The following CNTLN variants were observed in gnomAD, a reference collection of about 807,000 sequenced individuals.
CNTLN encodes centlein, centrosomal protein.
Under a neutral mutation model 180.0 loss-of-function variants are expected in CNTLN, and 212 were observed. The observed-to-expected ratio is 1.18, with a 90% CI of 1.05 to 1.32. The LOEUF (loss-of-function observed/expected upper bound fraction) is 1.32, where lower values mean the gene tolerates loss of function less well. Among genes scored for constraint, CNTLN ranks in the 40% most tolerant of loss-of-function variants. The pLI, the probability that CNTLN is intolerant of heterozygous loss-of-function variation, is 0.00. For synonymous variants in CNTLN, 722 were observed against 563.1 expected (o/e 1.28, Z -3.99); for missense variants, 2,095 against 1,610.9 (o/e 1.30, Z -5.14).
intron 2 of CNTLN, among the ~76,000 whole-genome samples, chr9:17,177,543 C>T (rs539637272): frequency 3.0e-4 from 46 of 152,162 alleles, no homozygotes; most frequent in Non-Finnish European, 4.4e-4. Flanking sequence ...GGCGGTGTGT[C>T]CGAAGTTTGT....
At chr9:17,404,326 T>C (rs1587902244) in intron 15 of CNTLN, among the ~76,000 whole-genome samples, 1 of 151,750 alleles carries the variant, frequency 6.6e-6, no homozygotes, top group African/African-American at 2.4e-5. Flanking sequence ...GCGTGGCCGC[T>C]GTAATTATTT....
chr9:17,432,906 A>G (rs954046538), intron 18 of CNTLN, among the ~76,000 whole-genome samples: 18 of 151,502 alleles, frequency 1.2e-4, no homozygotes, highest in African/African-American at 3.9e-4. Flanking sequence ...CTGTAATCCT[A>G]GCTACTCAGG....
At chr9:17,179,354 C>T (rs539809046) in intron 2 of CNTLN, among the ~76,000 whole-genome samples, 2 of 151,486 alleles carry the variant, frequency 1.3e-5, no homozygotes, top group East Asian at 1.9e-4. Context: ...GCTTTAACTT[C>T]ATCCCCCATA....
At chr9:17,334,714 C>T (rs1820883611) in intron 10 of CNTLN, among the ~76,000 whole-genome samples, 1 of 151,812 alleles carries the variant, frequency 6.6e-6, no homozygotes, top group Non-Finnish European at 1.5e-5. Flanking sequence ...GGGGGCTAAA[C>T]CTGAGTACAC....
chr9:17,385,950 A>G (rs1175085112), intron 13 of CNTLN, among the ~76,000 whole-genome samples: 1 of 152,162 alleles, frequency 6.6e-6, no homozygotes, highest in Non-Finnish European at 1.5e-5. Context: ...AAACCTACCC[A>G]CTATGATTCT....
Position 17,337,918 on chromosome 9 carries a change from C to G in CNTLN, c.1645-2909C>G, listed in dbSNP as rs147803386. 1.8e-3 allele frequency among the ~76,000 whole-genome samples: 275 copies of G among 152,036 alleles called. 1 individual carries two copies. Among genetic ancestry groups the G allele is most frequent in the East Asian group, 0.016 (81 of 5,170 alleles). ...TCTAACAAAAAACTTTAGTCATTCCCCAAACAGTTTATATATAATAATTTT... is the reference window on the plus strand; with the variant it reads ...TCTAACAAAAAACTTTAGTCATTCCGCAAACAGTTTATATATAATAATTTT... On this transcript the variant is annotated intron_variant, in intron 10 of 25. Transcript: ENST00000380647.
At chr9:17,445,123 T>C (rs1301397179) in intron 18 of CNTLN, among the ~76,000 whole-genome samples, 1 of 152,118 alleles carries the variant, frequency 6.6e-6, no homozygotes. Context: ...TTTCACTATC[T>C]TGAACCTTAT....
chr9:17,388,778 A>G (rs1409215440), intron 14 of CNTLN, among the ~76,000 whole-genome samples: 4 of 151,858 alleles, frequency 2.6e-5, no homozygotes, highest in Non-Finnish European at 4.4e-5. Context: ...TAATAAGATC[A>G]TCCATGTAAA....
intron 15 of CNTLN, among the ~76,000 whole-genome samples, chr9:17,404,922 G>C (rs1165183170): frequency 2.0e-5 from 3 of 151,502 alleles, no homozygotes; most frequent in Non-Finnish European, 4.4e-5. Context: ...ATTTTTAGTA[G>C]AAATGGGGTT....
chr9:17,191,358 T>C (rs913430502), intron 2 of CNTLN, among the ~76,000 whole-genome samples: 2 of 152,216 alleles, frequency 1.3e-5, no homozygotes, highest in African/African-American at 4.8e-5. Flanking sequence ...CTTTTGCTAG[T>C]AGTCTGTGCA....
In CNTLN at chr9:17,444,285, A is replaced by C. The variant is rs189007451; in HGVS notation, c.3115-13239A>C. The C allele has an allele frequency of 4.6e-5, 7 of 152,328 alleles. No individual in the cohort carries two copies. In the East Asian group the frequency reaches 1.2e-3, roughly 25 times the overall value. The allele number at this position is 152,328 out of a possible 1,614,324, so 9.4% of individuals were successfully genotyped here. On this transcript the variant is annotated intron_variant, in intron 18 of 25. Coordinates refer to ENST00000380647, the MANE Select transcript of CNTLN (RefSeq NM_017738.4). ...CTTATAGCTCTACCTCAGAGAAGGA[A>C]AGAACTTCTCTGCTTAAATTTGGGG...
chr9:17,296,868 G>A (rs1485976429), intron 6 of CNTLN, among the ~76,000 whole-genome samples: 2 of 152,144 alleles, frequency 1.3e-5, no homozygotes, highest in East Asian at 1.9e-4. Context: ...TCTAAGGAGC[G>A]GAACTCCTTG....
At chr9:17,282,567 T>A (rs1279039873) in intron 6 of CNTLN, among the ~76,000 whole-genome samples, 1 of 152,234 alleles carries the variant, frequency 6.6e-6, no homozygotes, top group Admixed American at 6.5e-5. Context: ...TTTCTTTTGT[T>A]GTGCAGAAGC....
At chr9:17,294,659 G>A (rs1472132225) in intron 6 of CNTLN, among the ~76,000 whole-genome samples, 1 of 149,002 alleles carries the variant, frequency 6.7e-6, no homozygotes, top group Non-Finnish European at 1.5e-5. Context: ...GGAGCTGCCT[G>A]CCAGTCCCGT....
chr9:17,477,817 C>T (rs773919764), intron 23 of CNTLN, among the ~76,000 whole-genome samples: 1 of 152,162 alleles, frequency 6.6e-6, no homozygotes, highest in Non-Finnish European at 1.5e-5. Context: ...TAGAATATTC[C>T]ATAAACTTAG....
At chr9:17,295,298 G>A (rs1282722805) in intron 6 of CNTLN, among the ~76,000 whole-genome samples, 3 of 152,202 alleles carry the variant, frequency 2.0e-5, no homozygotes, top group Non-Finnish European at 1.5e-5. Flanking sequence ...GCGGGCTGAA[G>A]GGCTGCTCAA....
At chr9:17,499,488 A>G (rs1450671886) in intron 25 of CNTLN, among the ~76,000 whole-genome samples, 3 of 152,222 alleles carry the variant, frequency 2.0e-5, no homozygotes, top group Non-Finnish European at 4.4e-5. Flanking sequence ...ATAAATGAAT[A>G]GTATAAACTT....
chr9:17,236,460 A>C lies in CNTLN; in HGVS notation c.721A>C (p.Lys241Gln). ...AGAAGAGCAAAACAGACTAGTTATA[A>C]AAAATCTGGAGGAGGAAAACAAGAA... ...NKEEQNRLVI[K>Q]NLEEENKKLS... The change falls in exon 5 of 26, where the codon AAA (lysine) becomes CAA (glutamine). Residue 241 changes from lysine to glutamine, a missense_variant. Transcript: ENST00000380647. 1.2e-6 allele frequency: 2 copies of C among 1,613,732 alleles called. No homozygotes were observed. The highest frequency in any genetic ancestry group is 1.7e-6 in the Non-Finnish European group (2 of 1,179,760).
At chr9:17,268,461 C>A (rs776423624) in intron 5 of CNTLN, among the ~76,000 whole-genome samples, 4 of 152,180 alleles carry the variant, frequency 2.6e-5, no homozygotes, top group Admixed American at 6.5e-5. Flanking sequence ...CTGGGGGGTG[C>A]CTCCCAGTTA....
Sources: gnomAD v4.1 joint callset for allele counts (sites outside exome capture counted in the v4.1 genomes callset) on GRCh38, gnomAD v4.1.1 for gene constraint, MANE v1.5 for transcripts, NCBI Gene and HGNC (gene_info 2026-07-23, HGNC 2026-07-21) for gene names.